Variants in CNTLN observed in about 807,000 individuals in gnomAD.
The protein encoded by CNTLN is centlein.
Under a neutral mutation model 180.0 loss-of-function variants are expected in CNTLN, and 212 were observed. The ratio of observed to expected loss-of-function variants is 1.18; its 90% CI spans 1.05 to 1.32. CNTLN has a LOEUF of 1.32. Among genes scored for constraint, CNTLN ranks in the 40% most tolerant of loss-of-function variants. CNTLN has a pLI of 0.00. For synonymous variants in CNTLN, 722 were observed against 563.1 expected (o/e 1.28, Z -3.99); for missense variants, 2,095 against 1,610.9 (o/e 1.30, Z -5.14).
chr9:17,274,165 A>G (rs937359824), intron 6 of CNTLN, among the ~76,000 whole-genome samples: 2 of 152,066 alleles, frequency 1.3e-5, no homozygotes, highest in Non-Finnish European at 2.9e-5. Context: ...CATGTGTTAC[A>G]TGATGCTCAT....
chr9:17,270,132 C>CT (rs1210438409), intron 5 of CNTLN, among the ~76,000 whole-genome samples: 1 of 151,884 alleles, frequency 6.6e-6, no homozygotes, highest in African/African-American at 2.4e-5. Context: ...AATGTCTGTT[C>CT]TTTTTTCCCT....
intron 9 of CNTLN, 81 bp from the exon 10 acceptor site, chr9:17,332,524 A>T (rs1397053020): frequency 7.3e-7 from 1 of 1,364,276 alleles, no homozygotes; most frequent in African/African-American, 1.5e-5. Context: ...AGTATTCAAA[A>T]TTACTTGTTC....
At position 17,298,797 on chromosome 9, in the gene CNTLN, A is replaced by G. The variant is rs1446085147; in HGVS notation, c.1146+445A>G. 5 of 985,850 alleles carry G rather than the reference A, an allele frequency of 5.1e-6. No homozygotes were observed. The African/African-American group carries it at 5.2e-5, about 10-fold the overall frequency. The allele number at this position is 985,850 out of a possible 1,614,324, so 61.1% of individuals were successfully genotyped here. A position where few individuals can be genotyped will look rare whatever the true frequency, so the allele number is the denominator to read the frequency against. ...TGCTGAGGAGGGCTTTAGGATCAAT[A>G]TTTTCCAGGATTTTTCTCTGTTTAT... On this transcript the variant is annotated intron_variant, in intron 7 of 25. Coordinates refer to ENST00000380647, the MANE Select transcript of CNTLN (RefSeq NM_017738.4).
At chr9:17,408,009 C>G (rs573941952) in intron 15 of CNTLN, among the ~76,000 whole-genome samples, 1 of 151,740 alleles carries the variant, frequency 6.6e-6, no homozygotes, top group South Asian at 2.1e-4. Context: ...CACCTGTAAT[C>G]CCAGCTACTC....
chr9:17,433,020 C>A (rs1326932868), intron 18 of CNTLN, among the ~76,000 whole-genome samples: 2,172 of 102,054 alleles, frequency 0.021, no homozygotes, highest in Non-Finnish European at 0.022. Context: ...GACTCTGTCT[C>A]AAAAAAAAAA....
intron 5 of CNTLN, among the ~76,000 whole-genome samples, chr9:17,265,398 A>G (rs1017205942): frequency 6.6e-6 from 1 of 152,098 alleles, no homozygotes; most frequent in African/African-American, 2.4e-5. Flanking sequence ...AGCCCACTTG[A>G]TCATGGTGGA....
intron 16 of CNTLN, among the ~76,000 whole-genome samples, chr9:17,412,217 A>G (rs1827900206): frequency 1.3e-5 from 2 of 152,228 alleles, no homozygotes; most frequent in Admixed American, 1.3e-4. Flanking sequence ...GGCAGTAATT[A>G]GATGGTGTGC....
intron 5 of CNTLN, among the ~76,000 whole-genome samples, chr9:17,255,025 ATT>A (rs1826388737): frequency 6.6e-6 from 1 of 151,404 alleles, no homozygotes; most frequent in Non-Finnish European, 1.5e-5. Context: ...TATTTCTAGT[ATT>A]TTTTTCAGTT....
chr9:17,140,661 C>T (rs957453624), intron 1 of CNTLN, among the ~76,000 whole-genome samples: 1 of 152,106 alleles, frequency 6.6e-6, no homozygotes, highest in Non-Finnish European at 1.5e-5. Flanking sequence ...AGGCCAGTCT[C>T]AAACTCCTGG....
At chr9:17,218,593 A>C (rs1023126212) in intron 2 of CNTLN, among the ~76,000 whole-genome samples, 3 of 152,154 alleles carry the variant, frequency 2.0e-5, no homozygotes, top group Admixed American at 6.5e-5. Context: ...AGTGTTTACT[A>C]GAAATTGGGA....
At chr9:17,364,076 C>A in intron 12 of CNTLN, among the ~76,000 whole-genome samples, 1 of 152,078 alleles carries the variant, frequency 6.6e-6, no homozygotes, top group Non-Finnish European at 1.5e-5. Context: ...TTCACTAAGA[C>A]ATTTTTAAGT....
At chr9:17,419,397 A>T (rs1828521466) in intron 18 of CNTLN, among the ~76,000 whole-genome samples, 1 of 152,170 alleles carries the variant, frequency 6.6e-6, no homozygotes, top group South Asian at 2.1e-4. Context: ...TGTTCAAAGT[A>T]TGTATCCGTT....
chr9:17,508,441 T>C (rs1311215357), downstream of CNTLN, among the ~76,000 whole-genome samples: 1 of 152,158 alleles, frequency 6.6e-6, no homozygotes, highest in African/African-American at 2.4e-5. Context: ...AGTTTTTACA[T>C]TCACTTCGTT....
rs1464371720 is a variant in CNTLN, at chr9:17,259,458, C to T, written c.850-14275C>T. 1.1e-4 allele frequency among the ~76,000 whole-genome samples: 16 copies of T among 147,314 alleles called. 1 individual carries two copies. The highest frequency in any genetic ancestry group is 6.7e-4 in the Admixed American group (10 of 14,984). On this transcript the variant is annotated intron_variant, in intron 5 of 25. Transcript: ENST00000380647. ...TCTCTTTTTTTGTTGTATCTCTGCCCGGCTTTGGTATCAGAATGATGCTGG... is the reference window on the plus strand; with the variant it reads ...TCTCTTTTTTTGTTGTATCTCTGCCTGGCTTTGGTATCAGAATGATGCTGG...
intron 18 of CNTLN, among the ~76,000 whole-genome samples, chr9:17,445,796 G>C (rs921920092): frequency 1.6e-4 from 25 of 152,148 alleles, no homozygotes; most frequent in African/African-American, 5.8e-4. Context: ...TCTGTGCTGA[G>C]GAGGATTAGT....
chr9:17,323,269 T>C (rs188527053), intron 8 of CNTLN, among the ~76,000 whole-genome samples: 47 of 152,318 alleles, frequency 3.1e-4, no homozygotes, highest in Admixed American at 5.9e-4. Flanking sequence ...AAGGTAGTCA[T>C]ACATTATTGG....
intron 23 of CNTLN, among the ~76,000 whole-genome samples, chr9:17,473,611 A>AAG (rs1832158921): frequency 6.6e-6 from 1 of 151,294 alleles, no homozygotes; most frequent in Admixed American, 6.6e-5. Context: ...AAAAAACAAA[A>AAG]CAAAAAACAA....
chr9:17,476,702 A>T (rs1832367878), intron 23 of CNTLN, among the ~76,000 whole-genome samples: 1 of 152,294 alleles, frequency 6.6e-6, no homozygotes, highest in East Asian at 1.9e-4. Flanking sequence ...TCTTCAAAGG[A>T]TGAGGGAGGT....
intron 5 of CNTLN, among the ~76,000 whole-genome samples, chr9:17,271,159 C>T (rs1259480062): frequency 6.6e-6 from 1 of 151,982 alleles, no homozygotes; most frequent in Non-Finnish European, 1.5e-5. Flanking sequence ...ACCATGTTAG[C>T]CTCGATCTCC....
Sources: gnomAD v4.1 joint callset for allele counts (sites outside exome capture counted in the v4.1 genomes callset) on GRCh38, gnomAD v4.1.1 for gene constraint, MANE v1.5 for transcripts, NCBI Gene and HGNC (gene_info 2026-07-23, HGNC 2026-07-21) for gene names.